The following NOS2 variants were observed in gnomAD, a reference collection of about 807,000 sequenced individuals.
NOS2 encodes nitric oxide synthase, inducible.
A neutral mutation model predicts 136.0 loss-of-function variants in NOS2; 96 were observed. The observed-to-expected ratio is 0.71, with a 90% confidence interval of 0.60 to 0.84. NOS2 has a LOEUF of 0.84. Among genes scored for constraint, NOS2 ranks in the 40% least tolerant of loss-of-function variants. NOS2 has a pLI of 0.00. For missense variants in NOS2, 1,237 were observed against 1,496.9 expected (o/e 0.83, Z 2.87); for synonymous variants, 539 against 587.5 (o/e 0.92, Z 1.20).
chr17:27,784,965 C>T (rs1239567793), intron 5 of NOS2, among the ~76,000 whole-genome samples: 1 of 152,180 alleles, frequency 6.6e-6, no homozygotes, highest in Non-Finnish European at 1.5e-5. Context: ...CCAAGCATGG[C>T]CCTGTAGCCC....
chr17:27,759,121 C>T (rs766663391), intron 25 of NOS2, 46 bp from the exon 26 acceptor site: 1 of 1,414,988 alleles, frequency 7.1e-7, no homozygotes, highest in Admixed American at 2.5e-5. Context: ...CTGCTCAGGA[C>T]AAGGCTTGCA....
chr17:27,788,893 T>C lies in NOS2; in HGVS notation c.234A>G (p.Pro78=). The stretch of plus-strand genomic sequence containing the variant: ...TCCTCACATGCCGTGGGGAGGACAA[T>C]GGGGTTGCATCCAGCTTGACCAGAG... The part of the protein sequence containing the change: ...PESLVKLDAT[P]LSSPRHVRIK... Residue 78 remains proline, a synonymous_variant, in exon 4 of 27, where the codon CCA becomes CCG. Transcript: ENST00000313735. The C allele has an allele frequency of 1.2e-6, 2 of 1,614,078 alleles. No homozygotes were observed. Among genetic ancestry groups the C allele is most frequent in the South Asian group, 1.1e-5 (1 of 91,070 alleles).
At chr17:27,787,238 C>T (rs1909047532) in intron 5 of NOS2, among the ~76,000 whole-genome samples, 1 of 152,110 alleles carries the variant, frequency 6.6e-6, no homozygotes, top group Admixed American at 6.5e-5. Context: ...TCAAACATTT[C>T]ATAATTAAAG....
intron 23 of NOS2, 92 bp downstream of exon 23, chr17:27,761,052 G>C: frequency 8.2e-7 from 1 of 1,216,728 alleles, no homozygotes; most frequent in East Asian, 2.6e-5. Context: ...AAGGGGCTCC[G>C]AGCGTCTCCT....
Position 27,782,096 on chromosome 17 carries a change from G to A in NOS2, c.641C>T (p.Ala214Val), listed in dbSNP as rs1214321870. 6.2e-7 allele frequency: 1 copy of A among 1,614,028 alleles called. No individual in the cohort carries two copies. ...IQWSNLQVFD[A>V]RSCSTAREMF... ...TTCCCGGGCAGTGGAACAGCTGCGG[G>A]CATCGAAGACCTGCAACAGCCCATC... is the stretch of plus-strand genomic sequence containing the variant. The change falls in exon 7 of 27, where the codon GCC becomes GTC. Residue 214 changes from alanine (A) to valine (V), a missense_variant. Around this residue, in one of 3 missense-constraint regions of NOS2, gnomAD observed 440 missense variants for 545.4 expected, o/e 0.81. Coordinates refer to ENST00000313735, the MANE Select transcript of NOS2 (RefSeq NM_000625.4).
chr17:27,757,719 C>T (rs1396437183), intron 26 of NOS2, among the ~76,000 whole-genome samples: 2 of 152,188 alleles, frequency 1.3e-5, no homozygotes, highest in East Asian at 3.8e-4. Flanking sequence ...TCCCAGAAGT[C>T]TTGTAGTAAA....
intron 2 of NOS2, among the ~76,000 whole-genome samples, chr17:27,797,636 G>A (rs186436541): frequency 3.3e-5 from 5 of 152,342 alleles, no homozygotes; most frequent in Admixed American, 1.3e-4. Flanking sequence ...CCTCTGGGGC[G>A]GTGGGGTTGT....
intron 13 of NOS2, 140 bp from the exon 14 acceptor site, chr17:27,772,592 ATG>A: frequency 1.1e-6 from 1 of 928,266 alleles, no homozygotes; most frequent in East Asian, 2.6e-5. Flanking sequence ...CTCACCAGCC[ATG>A]TACCGTGACA....
rs1248040309 is a variant in NOS2, at chr17:27,798,700, C to T, written c.110G>A (p.Ser37Asn). The change falls in exon 2 of 27, where the codon AGT (serine) becomes AAT (asparagine). Residue 37 changes from serine to asparagine, a missense_variant and splice_region_variant. Ser to Asn is a conservative substitution (Grantham distance 46). Transcript: ENST00000313735. Reference sequence around the variant, plus strand: ...GGAGGTTCCCCCAGGGAAAACTCACCTGGAGGTGGCACAGGGGGCTTTCTC... The same window carrying T: ...GGAGGTTCCCCCAGGGAAAACTCACTTGGAGGTGGCACAGGGGGCTTTCTC... ...NVEKAPCATS[S>N]PVTQDDLQYH... 1 of 1,605,418 alleles carries T rather than the reference C, an allele frequency of 6.2e-7. No individual in the cohort carries two copies. Among genetic ancestry groups the T allele is most frequent in the Non-Finnish European group, 8.5e-7 (1 of 1,172,058 alleles).
chr17:27,793,148 C>T (rs988598103), intron 2 of NOS2, among the ~76,000 whole-genome samples: 1 of 134,830 alleles, frequency 7.4e-6, no homozygotes, highest in Non-Finnish European at 1.6e-5. Flanking sequence ...CGCCTCCCTG[C>T]CTGTTTACCT....
In NOS2 at chr17:27,757,774, C is replaced by T. The variant is rs568345930; in HGVS notation, c.3355-421G>A. On this transcript the variant is annotated intron_variant, in intron 26 of 26. Transcript: ENST00000313735. The stretch of plus-strand genomic sequence containing the variant: ...TTAACTAAGCATGTCCCAGGCTATT[C>T]GACCTTGGAATCTTTTTGATGCCAA... 3.2e-3 allele frequency among the ~76,000 whole-genome samples: 484 copies of T among 152,338 alleles called. 4 individuals are homozygous for T. Among genetic ancestry groups the T allele is most frequent in the African/African-American group, 0.011 (468 of 41,570 alleles).
chr17:27,767,308 C>T (rs2151326850), intron 18 of NOS2, among the ~76,000 whole-genome samples: 1 of 152,372 alleles, frequency 6.6e-6, no homozygotes, highest in Non-Finnish European at 1.5e-5. Context: ...GCCTTCGCAG[C>T]TGGAAGGCTG....
intron 14 of NOS2, among the ~76,000 whole-genome samples, chr17:27,771,221 C>T (rs766478322): frequency 3.9e-5 from 6 of 152,232 alleles, no homozygotes; most frequent in Non-Finnish European, 7.3e-5. Context: ...TCCTTCCCCG[C>T]TTAAGCCCTA....
In NOS2 at chr17:27,767,774, A is replaced by T; in HGVS notation, c.2098T>A (p.Ser700Thr). The change falls in exon 18 of 27, where the codon TCC becomes ACC. Residue 700 changes from serine to threonine, a missense_variant. Ser to Thr is a moderately conservative substitution (Grantham distance 58). Coordinates refer to ENST00000313735, the MANE Select transcript of NOS2 (RefSeq NM_000625.4). ...TGGTGCGGGTCCCAGGTCACATTGG[A>T]GGTGTAGAGCTTGGGGATCTGAATG... ...QHIQIPKLYTSNVTWDPHHYR... is the reference protein window; with the variant it reads ...QHIQIPKLYTTNVTWDPHHYR... 6.2e-7 allele frequency: 1 copy of T among 1,613,010 alleles called. No homozygotes were observed. Among genetic ancestry groups the T allele is most frequent in the Non-Finnish European group, 8.5e-7 (1 of 1,180,008 alleles).
intron 9 of NOS2, among the ~76,000 whole-genome samples, chr17:27,779,288 CTTA>C (rs140152355): frequency 0.14 from 19,938 of 139,170 alleles, 2,110 homozygotes; most frequent in African/African-American, 0.3. Flanking sequence ...AATTTTTTTC[CTTA>C]TTATTATTAT....
intron 26 of NOS2, 120 bp from the exon 27 acceptor site, chr17:27,757,473 T>A (rs2151323480): frequency 8.9e-6 from 7 of 787,138 alleles, no homozygotes; most frequent in East Asian, 5.3e-5. Flanking sequence ...CTGTTATACT[T>A]AGATTGTGCT....
Position 27,762,882 on chromosome 17 carries a change from T to A in NOS2, c.2716A>T (p.Arg906Trp). The A allele has an allele frequency of 6.3e-7, 1 of 1,592,944 alleles. No individual in the cohort carries two copies. Among genetic ancestry groups the A allele is most frequent in the Non-Finnish European group, 8.5e-7 (1 of 1,170,336 alleles). Reference protein sequence around the residue: ...LLSQLPILKPRFYSISSSRDH... With the variant: ...LLSQLPILKPWFYSISSSRDH... ...CGGGAGGAGCTGATGGAGTAGAACC[T>A]GGGCTTCAGAATGGGGAGCTGGGAA... Residue 906 changes from arginine (R) to tryptophan (W), a missense_variant, in exon 22 of 27, where the codon AGG becomes TGG. By Grantham distance (101) the Arg-to-Trp change is moderately radical. Coordinates refer to ENST00000313735, the MANE Select transcript of NOS2 (RefSeq NM_000625.4).
At chr17:27,758,351 G>A (rs762471807) in intron 26 of NOS2, among the ~76,000 whole-genome samples, 4 of 152,122 alleles carry the variant, frequency 2.6e-5, no homozygotes, top group East Asian at 3.9e-4. Context: ...TAAAGTCCTC[G>A]GCAGGACTGA....
At chr17:27,766,097 G>A (rs55646794) in intron 19 of NOS2, among the ~76,000 whole-genome samples, 8 of 152,220 alleles carry the variant, frequency 5.3e-5, no homozygotes, top group South Asian at 2.1e-4. Flanking sequence ...TAATGCATGC[G>A]GGGAGGACAG....
Sources: gnomAD v4.1 joint callset for allele counts (sites outside exome capture counted in the v4.1 genomes callset) on GRCh38, gnomAD v4.1.1 for gene constraint, gnomAD v4.1.1 regional missense constraint, MANE v1.5 for transcripts, NCBI Gene and HGNC (gene_info 2026-07-23, HGNC 2026-07-21) for gene names.